Variants in FAM124A observed in about 807,000 individuals in gnomAD.
The protein encoded by FAM124A is protein FAM124A.
In FAM124A, 23 loss-of-function variants were observed where a neutral mutation model predicts 24.5. That is an observed-to-expected ratio of 0.94 (90% CI 0.68 to 1.33). FAM124A has a LOEUF of 1.33. Ranked by LOEUF, FAM124A falls within the 40% of genes most tolerant of loss-of-function variation. The probability of loss-of-function intolerance (pLI) is 0.00; values close to 1 mark genes in which losing one functional copy is unlikely to be tolerated. For missense variants in FAM124A, 623 were observed against 722.8 expected (o/e 0.86, Z 1.58); for synonymous variants, 287 against 314.7 (o/e 0.91, Z 0.93).
intron 2 of FAM124A, among the ~76,000 whole-genome samples, chr13:51,247,976 T>C (rs760922823): frequency 4.6e-5 from 7 of 152,236 alleles, no homozygotes; most frequent in Non-Finnish European, 1.0e-4. Flanking sequence ...TGAATTCTGA[T>C]TGTGTTCCTA....
intron 2 of FAM124A, among the ~76,000 whole-genome samples, chr13:51,235,793 G>A (rs796255997): frequency 1.3e-5 from 2 of 152,340 alleles, no homozygotes; most frequent in African/African-American, 4.8e-5. Context: ...GTGATAGAGG[G>A]CTTCTCCTAG....
At chr13:51,264,027 C>A (rs1168410311) in intron 3 of FAM124A, among the ~76,000 whole-genome samples, 2 of 152,158 alleles carry the variant, frequency 1.3e-5, no homozygotes, top group African/African-American at 4.8e-5. Flanking sequence ...AAATGGCCTT[C>A]CATTATGACT....
At position 51,281,141 on chromosome 13, in the gene FAM124A, C is replaced by T. The variant is rs1327508065; in HGVS notation, c.1526C>T (p.Ser509Phe). The T allele has an allele frequency of 6.2e-7, 1 of 1,613,988 alleles. No individual in the cohort carries two copies. The highest frequency in any genetic ancestry group is 1.3e-5 in the African/African-American group (1 of 74,888). The change falls in exon 4 of 4, where the codon TCC (serine) becomes TTC (phenylalanine). Residue 509 changes from serine (S) to phenylalanine (F), a missense_variant. Transcript: ENST00000322475. ...PAPSTSTLTD[S>F]SPQLPCDTPK... ...CCCAGCACCTCCACCCTCACAGACT[C>T]CTCCCCACAGCTCCCATGCGATACC... is the stretch of plus-strand genomic sequence containing the variant.
In FAM124A at chr13:51,281,394, A is replaced by C; in HGVS notation, c.*138A>C. ...CCCGTAGCACATTTGCCTACCACCC[A>C]CTCTTAGCTGGGGGGTGGTATATCT... is the stretch of plus-strand genomic sequence containing the variant. On this transcript the variant is annotated 3_prime_UTR_variant, in exon 4 of 4. Transcript: ENST00000322475. The C allele has an allele frequency of 1.3e-6, 1 of 772,652 alleles. No individual in the cohort carries two copies. The highest frequency in any genetic ancestry group is 1.9e-6 in the Non-Finnish European group (1 of 513,274). 47.9% of individuals were successfully genotyped at this position (772,652 alleles called of 1,614,324 possible). A position where few individuals can be genotyped will look rare whatever the true frequency, so the allele number is the denominator to read the frequency against.
At position 51,272,608 on chromosome 13, in the gene FAM124A, A is replaced by G. The variant is rs1017942923; in HGVS notation, c.835-7842A>G. On this transcript the variant is annotated intron_variant, in intron 3 of 3. Coordinates refer to ENST00000322475, the MANE Select transcript of FAM124A (RefSeq NM_001242312.2). This position sits in a 1 kb window ranked among gnomAD's most constrained non-coding sequence, Gnocchi z 4.2. Reference sequence around the variant, plus strand: ...ACACACACACACCAGTTGAACCACCAGATCAGCTACCTCTTCCCCTTCCCA... The same window carrying G: ...ACACACACACACCAGTTGAACCACCGGATCAGCTACCTCTTCCCCTTCCCA... 1.3e-5 allele frequency among the ~76,000 whole-genome samples: 2 copies of G among 150,482 alleles called. No homozygotes were observed. Among genetic ancestry groups the G allele is most frequent in the Non-Finnish European group, 2.9e-5 (2 of 67,892 alleles).
intron 1 of FAM124A, among the ~76,000 whole-genome samples, chr13:51,229,599 T>A (rs532229259): frequency 7.5e-4 from 115 of 152,336 alleles, no homozygotes; most frequent in African/African-American, 2.5e-3. Context: ...AAAATACACA[T>A]TTTAAAGAAT....
intron 2 of FAM124A, among the ~76,000 whole-genome samples, chr13:51,243,629 G>A (rs191519518): frequency 2.0e-5 from 3 of 152,196 alleles, no homozygotes; most frequent in Admixed American, 2.0e-4. Flanking sequence ...TACCTCCAGG[G>A]TTCAAGTGAT....
intron 1 of FAM124A, among the ~76,000 whole-genome samples, chr13:51,227,893 C>A (rs1051939421): frequency 6.6e-6 from 1 of 152,018 alleles, no homozygotes; most frequent in African/African-American, 2.4e-5. Context: ...AATCAGGGGT[C>A]TAGACTTTAA....
chr13:51,252,033 G>A lies in FAM124A; in HGVS notation c.666G>A (p.Leu222=), dbSNP rs1954629952. The change falls in exon 3 of 4, where the codon CTG becomes CTA. Residue 222 remains leucine (L), a synonymous_variant. Transcript: ENST00000322475. ...TGGATGTGGACATCCAGTTCTCCCT[G>A]AAAAGACTGCCCTGTGACCAGTGCC... The part of the protein sequence containing the change: ...SNLDVDIQFS[L]KRLPCDQCPV... The A allele has an allele frequency of 1.2e-6, 2 of 1,614,062 alleles. No homozygotes were observed. Among genetic ancestry groups the A allele is most frequent in the Admixed American group, 1.7e-5 (1 of 60,010 alleles).
chr13:51,224,676 T>C (rs952147501), intron 1 of FAM124A, among the ~76,000 whole-genome samples: 1 of 152,198 alleles, frequency 6.6e-6, no homozygotes, highest in African/African-American at 2.4e-5. Flanking sequence ...TCACAGAGAT[T>C]ATGTAGAAAG....
Position 51,281,345 on chromosome 13 carries a change from T to C in FAM124A, c.*89T>C, listed in dbSNP as rs1250527829. Reference sequence around the variant, plus strand: ...CCTCTGGCCACTGAGCACACCACATTCTTCATGATCCATTTCCCAGGAGCC... The same window carrying C: ...CCTCTGGCCACTGAGCACACCACATCCTTCATGATCCATTTCCCAGGAGCC... On this transcript the variant is annotated 3_prime_UTR_variant, in exon 4 of 4. Coordinates refer to ENST00000322475, the MANE Select transcript of FAM124A (RefSeq NM_001242312.2). 3.2e-5 allele frequency: 41 copies of C among 1,277,424 alleles called. No individual in the cohort carries two copies. Among genetic ancestry groups the C allele is most frequent in the Non-Finnish European group, 4.2e-5 (40 of 950,522 alleles). The allele number at this position is 1,277,424 out of a possible 1,614,324, so 79.1% of individuals were successfully genotyped here. A position where few individuals can be genotyped will look rare whatever the true frequency, so the allele number is the denominator to read the frequency against.
intron 3 of FAM124A, among the ~76,000 whole-genome samples, chr13:51,261,748 G>A (rs1471244716): frequency 6.6e-6 from 1 of 152,234 alleles, no homozygotes; most frequent in Non-Finnish European, 1.5e-5. Flanking sequence ...AAGTGCTGCT[G>A]CTTCTGCATG....
rs539382879 is a variant in FAM124A, at chr13:51,222,753, G to A, written c.68+184G>A. 3.3e-5 allele frequency among the ~76,000 whole-genome samples: 5 copies of A among 152,290 alleles called. No homozygotes were observed. In the South Asian group the frequency reaches 1.0e-3, roughly 32 times the overall value. On this transcript the variant is annotated intron_variant, in intron 1 of 3. Transcript: ENST00000322475. ...CCCTGGGCAGGGCGGGCACCACCCG[G>A]GGGGAGGAAAGTGGAAGGACTCAAG...
intron 3 of FAM124A, among the ~76,000 whole-genome samples, chr13:51,266,865 G>A (rs1018354282): frequency 2.0e-5 from 3 of 152,206 alleles, no homozygotes; most frequent in African/African-American, 7.2e-5. Flanking sequence ...AGGAATTTAT[G>A]TCATGCCTAA....
rs540849395 is a variant in FAM124A, at chr13:51,260,828, A to G, written c.834+8627A>G. 1.1e-4 allele frequency among the ~76,000 whole-genome samples: 16 copies of G among 152,276 alleles called. No homozygotes were observed. In the East Asian group the frequency reaches 2.9e-3, roughly 28 times the overall value. ...ACTCCACCTCCGGAGGGTCTGGTCC[A>G]GCAGATGTGGGCTGGGGCTGAAGTT... On this transcript the variant is annotated intron_variant, in intron 3 of 3. Transcript: ENST00000322475.
chr13:51,230,075 T>TTA (rs5803560), intron 1 of FAM124A, among the ~76,000 whole-genome samples: 13,779 of 150,942 alleles, frequency 0.091, 704 homozygotes, highest in East Asian at 0.22. Context: ...AAATATTGAA[T>TTA]TATATATATA....
intron 2 of FAM124A, among the ~76,000 whole-genome samples, chr13:51,247,185 G>T (rs1003815349): frequency 2.6e-5 from 4 of 152,222 alleles, no homozygotes; most frequent in Admixed American, 2.6e-4. Flanking sequence ...CGTGCAGAGG[G>T]GCCAGGCGGG....
chr13:51,243,548 T>C (rs545263186), intron 2 of FAM124A, among the ~76,000 whole-genome samples: 2 of 152,104 alleles, frequency 1.3e-5, no homozygotes, highest in Non-Finnish European at 2.9e-5. Context: ...GTTTGTTTGT[T>C]TTGAGACAGA....
chr13:51,243,350 A>G (rs1175912520), intron 2 of FAM124A, among the ~76,000 whole-genome samples: 1 of 152,162 alleles, frequency 6.6e-6, no homozygotes, highest in Admixed American at 6.5e-5. Context: ...CAGGTTATTC[A>G]TTACATTCCG....
Sources: allele counts gnomAD v4.1 joint callset (sites outside exome capture counted in the v4.1 genomes callset), GRCh38; gene constraint gnomAD v4.1.1; non-coding constraint Gnocchi (gnomAD v3.1); transcripts MANE v1.5; gene names NCBI Gene and HGNC (gene_info 2026-07-23, HGNC 2026-07-21).